The following CHODL variants were observed in gnomAD, a reference collection of about 807,000 sequenced individuals.
CHODL encodes the protein chondrolectin.
A neutral mutation model predicts 34.5 loss-of-function variants in CHODL; 29 were observed. The observed-to-expected ratio is 0.84, with a 90% CI of 0.63 to 1.15. CHODL has a LOEUF of 1.15. Ranked by LOEUF, CHODL falls within the 50% of genes most tolerant of loss-of-function variation. The pLI is 0.00. For missense variants in CHODL, 332 were observed against 332.5 expected, an observed-to-expected ratio of 1.00 and a Z score of 0.01; for synonymous variants, 125 against 116.1, an observed-to-expected ratio of 1.08 and a Z score of -0.49.
At chr21:18,044,439 T>C (rs887817821) in intron 2 of CHODL, among the ~76,000 whole-genome samples, 1 of 147,888 alleles carries the variant, frequency 6.8e-6, no homozygotes, top group African/African-American at 2.7e-5. Context: ...AAAATCTTTA[T>C]TTTTTTAACA....
At chr21:18,068,790 T>C (rs1337967521) in intron 2 of CHODL, among the ~76,000 whole-genome samples, 2 of 152,144 alleles carry the variant, frequency 1.3e-5, no homozygotes, top group Non-Finnish European at 2.9e-5. Flanking sequence ...CTTTTTTTTT[T>C]TTTTAACCCT....
intron 2 of CHODL, among the ~76,000 whole-genome samples, chr21:18,105,269 G>A (rs762763126): frequency 3.3e-5 from 5 of 152,172 alleles, no homozygotes; most frequent in Non-Finnish European, 5.9e-5. Flanking sequence ...CAGAGACTGG[G>A]ACAGCAGTAG....
intron 1 of CHODL, among the ~76,000 whole-genome samples, chr21:17,978,917 A>C (rs746614637): frequency 2.0e-5 from 3 of 152,058 alleles, no homozygotes; most frequent in Non-Finnish European, 4.4e-5. Context: ...CTTAGTTGCA[A>C]TAGGCCCCTC....
chr21:17,964,660 G>T (rs1216876518), intron 1 of CHODL, among the ~76,000 whole-genome samples: 2 of 152,176 alleles, frequency 1.3e-5, no homozygotes, highest in African/African-American at 4.8e-5. Context: ...ATAATTCCTG[G>T]TTTAATGATT....
intron 1 of CHODL, among the ~76,000 whole-genome samples, chr21:17,927,078 CTGTG>C (rs1373128841): frequency 5.6e-5 from 8 of 142,940 alleles, no homozygotes; most frequent in East Asian, 2.0e-4. Context: ...ATATGTATAT[CTGTG>C]TGTATGTATG....
intron 2 of CHODL, among the ~76,000 whole-genome samples, chr21:18,036,013 A>T (rs865804532): frequency 6.6e-6 from 1 of 151,902 alleles, no homozygotes; most frequent in Non-Finnish European, 1.5e-5. Flanking sequence ...TATACATTTT[A>T]TCTTGATTAT....
At chr21:18,136,117 AAG>A (rs1268191024) in intron 2 of CHODL, among the ~76,000 whole-genome samples, 4 of 140,216 alleles carry the variant, frequency 2.9e-5, no homozygotes, top group African/African-American at 2.7e-5. Flanking sequence ...AAAAAAAAAA[AAG>A]AAAAAGAAAA....
At chr21:18,151,898 C>A (rs187929836) in intron 2 of CHODL, among the ~76,000 whole-genome samples, 12 of 152,134 alleles carry the variant, frequency 7.9e-5, no homozygotes, top group Admixed American at 7.2e-4. Context: ...AATGCCTTAC[C>A]TTCTAATACC....
At chr21:18,145,559 C>CATTCAT (rs1319836196) in intron 2 of CHODL, among the ~76,000 whole-genome samples, 2 of 151,430 alleles carry the variant, frequency 1.3e-5, no homozygotes, top group Non-Finnish European at 2.9e-5. Context: ...GCTTATATAG[C>CATTCAT]ATAGAATGGA....
intron 1 of CHODL, among the ~76,000 whole-genome samples, chr21:17,999,435 AC>A (rs1396492748): frequency 6.6e-6 from 1 of 151,902 alleles, no homozygotes; most frequent in Non-Finnish European, 1.5e-5. Flanking sequence ...TTTCAGCAAC[AC>A]CCCACTTTAC....
intron 2 of CHODL, among the ~76,000 whole-genome samples, chr21:18,204,478 A>G (rs1340591515): frequency 1.3e-5 from 2 of 152,136 alleles, no homozygotes; most frequent in African/African-American, 4.8e-5. Context: ...GCTTATCTCT[A>G]GGTCATACCA....
chr21:18,180,471 C>T (rs1042889234), intron 2 of CHODL, among the ~76,000 whole-genome samples: 1 of 152,206 alleles, frequency 6.6e-6, no homozygotes, highest in African/African-American at 2.4e-5. Flanking sequence ...TAAGACAAAG[C>T]TGTACTTTGA....
chr21:18,255,241 A>G (rs891857679), intron 1 of CHODL, among the ~76,000 whole-genome samples: 3 of 152,098 alleles, frequency 2.0e-5, no homozygotes, highest in Non-Finnish European at 4.4e-5. Flanking sequence ...TCCTGAAGAA[A>G]TATGTAATAA....
At chr21:18,077,149 G>A (rs2064876496) in intron 2 of CHODL, among the ~76,000 whole-genome samples, 1 of 152,112 alleles carries the variant, frequency 6.6e-6, no homozygotes, top group South Asian at 2.1e-4. Context: ...AAACCCTAAG[G>A]CTTTGGAGCT....
intron 2 of CHODL, among the ~76,000 whole-genome samples, chr21:18,154,584 A>T (rs938081443): frequency 1.3e-5 from 2 of 152,156 alleles, no homozygotes; most frequent in Non-Finnish European, 2.9e-5. Context: ...TTCTGTCTCA[A>T]AAAAAGGTTA....
At chr21:18,130,065 G>A (rs1397219352) in intron 2 of CHODL, among the ~76,000 whole-genome samples, 1 of 151,926 alleles carries the variant, frequency 6.6e-6, no homozygotes, top group East Asian at 1.9e-4. Context: ...AGGAATAGGG[G>A]GCAAGTTGAT....
intron 2 of CHODL, among the ~76,000 whole-genome samples, chr21:18,087,690 T>C (rs1440383966): frequency 6.6e-6 from 1 of 152,014 alleles, no homozygotes; most frequent in African/African-American, 2.4e-5. Context: ...TCCTCCCAGG[T>C]AAGCAGTGTG....
At chr21:18,020,609 A>G (rs563726161) in intron 1 of CHODL, among the ~76,000 whole-genome samples, 82 of 152,332 alleles carry the variant, frequency 5.4e-4, no homozygotes, top group African/African-American at 1.8e-3. Flanking sequence ...TCTTCTTCGC[A>G]TAGAAAACAC....
Position 18,029,627 on chromosome 21 carries a change from C to G in CHODL, c.-45+1656C>G, listed in dbSNP as rs141054879. Among the ~76,000 whole-genome samples, 18 of 152,048 alleles carry G rather than the reference C, an allele frequency of 1.2e-4. 1 individual carries two copies. The East Asian group carries it at 3.5e-3, about 30-fold the overall frequency. On this transcript the variant is annotated intron_variant, in intron 2 of 6. Coordinates refer to the CHODL transcript ENST00000400127. ...CTCTATCTGATTGTTTATTTCTAGT[C>G]ATCTAGAATCTGGAACCTTCCTGTT...
Sources: gnomAD v4.1 joint callset for allele counts (sites outside exome capture counted in the v4.1 genomes callset) on GRCh38, gnomAD v4.1.1 for gene constraint, MANE v1.5 for transcripts, NCBI Gene and HGNC (gene_info 2026-07-23, HGNC 2026-07-21) for gene names.